Variants in PRCP observed in about 807,000 individuals in gnomAD.
The protein encoded by PRCP is prolylcarboxypeptidase.
PRCP carries 46 observed loss-of-function variants against 54.2 expected under a neutral mutation model. That is an observed-to-expected ratio of 0.85 (90% CI 0.67 to 1.09). The LOEUF is 1.09. PRCP is among the 50% of genes least tolerant of loss of function. PRCP has a pLI of 0.00. For missense variants in PRCP, 613 were observed against 596.8 expected, an observed-to-expected ratio of 1.03 and a Z score of -0.28; for synonymous variants, 240 against 212.2, an observed-to-expected ratio of 1.13 and a Z score of -1.14.
rs1375415780 is a variant in PRCP, at chr11:82,823,321, T to G, written c.*1585A>C. Among the ~76,000 whole-genome samples, 1 of 152,154 alleles carries G rather than the reference T, an allele frequency of 6.6e-6. No individual in the cohort carries two copies. Among genetic ancestry groups the G allele is most frequent in the Non-Finnish European group, 1.5e-5 (1 of 68,004 alleles). Reference sequence around the variant, plus strand: ...ATTTAATTTCTTAGTTGACAAAGAATAAAAACTAGTATTGTTTTGGCCCTT... The same window carrying G: ...ATTTAATTTCTTAGTTGACAAAGAAGAAAAACTAGTATTGTTTTGGCCCTT... On this transcript the variant is annotated 3_prime_UTR_variant, in exon 9 of 9. Transcript: ENST00000313010.
chr11:82,889,971 C>T (rs76646527), intron 1 of PRCP, among the ~76,000 whole-genome samples: 38 of 152,150 alleles, frequency 2.5e-4, no homozygotes, highest in Non-Finnish European at 4.7e-4. Flanking sequence ...TCAGGGGAGG[C>T]GGTAATAGGG....
At chr11:82,826,210 T>G (rs1461115408) in intron 8 of PRCP, 1 of 152,226 alleles carries the variant, frequency 6.6e-6, no homozygotes, top group African/African-American at 2.4e-5. Context: ...TTCATACAAA[T>G]GGAATTAAAT....
At chr11:82,857,195 T>C (rs536529298) in intron 2 of PRCP, among the ~76,000 whole-genome samples, 45 of 152,304 alleles carry the variant, frequency 3.0e-4, no homozygotes, top group Non-Finnish European at 4.3e-4. Context: ...TTTCAATTAA[T>C]CTTCTTTATT....
At chr11:82,836,855 A>AT in intron 8 of PRCP, 2 of 384,202 alleles carry the variant, frequency 5.2e-6, no homozygotes, top group Non-Finnish European at 1.0e-5. Flanking sequence ...GCCTCCTTGC[A>AT]TTTTTGTTGG....
chr11:82,859,521 T>G (rs1171682094), intron 2 of PRCP, among the ~76,000 whole-genome samples: 1 of 152,104 alleles, frequency 6.6e-6, no homozygotes, highest in Non-Finnish European at 1.5e-5. Flanking sequence ...GAGACCATAA[T>G]CAAAATAAAC....
chr11:82,886,276 C>T (rs1443463370), intron 1 of PRCP, among the ~76,000 whole-genome samples: 4 of 152,118 alleles, frequency 2.6e-5, no homozygotes, highest in Admixed American at 6.6e-5. Flanking sequence ...CCATGAACTT[C>T]CTGAATTTTT....
At position 82,853,206 on chromosome 11, in the gene PRCP, A is replaced by T; in HGVS notation, c.382T>A (p.Ser128Thr). The T allele has an allele frequency of 6.2e-7, 1 of 1,610,574 alleles. No individual in the cohort carries two copies. The highest frequency in any genetic ancestry group is 8.5e-7 in the Non-Finnish European group (1 of 1,177,910). The change falls in exon 3 of 9, where the codon TCT becomes ACT. Residue 128 changes from serine to threonine, a missense_variant. By Grantham distance (58) the Ser-to-Thr change is moderately conservative. Coordinates refer to ENST00000313010, the MANE Select transcript of PRCP (RefSeq NM_005040.4). ...VFAEHRYYGE[S>T]LPFGDNSFKD... The stretch of plus-strand genomic sequence containing the variant: ...AATGAGTTGTCACCAAAGGGGAGAG[A>T]CTCTCCATAGTATCGATGTTCAGCA...
At chr11:82,858,050 TTC>T (rs2121170417) in intron 2 of PRCP, among the ~76,000 whole-genome samples, 1 of 152,314 alleles carries the variant, frequency 6.6e-6, no homozygotes. Flanking sequence ...TGCAGTTGAT[TTC>T]AGGCTTTGAG....
chr11:82,873,292 C>T (rs935172793), intron 1 of PRCP, among the ~76,000 whole-genome samples: 3 of 152,238 alleles, frequency 2.0e-5, no homozygotes, highest in African/African-American at 4.8e-5. Context: ...CAGCAGTATT[C>T]GTTTAACAAC....
chr11:82,849,367 T>C (rs563346589), intron 5 of PRCP, 149 bp from the exon 6 acceptor site: 2 of 879,158 alleles, frequency 2.3e-6, no homozygotes, highest in African/African-American at 1.7e-5. Context: ...GAGAATCCCA[T>C]GACAGACAAG....
At chr11:82,848,558 C>T (rs1485062211) in intron 6 of PRCP, among the ~76,000 whole-genome samples, 1 of 152,200 alleles carries the variant, frequency 6.6e-6, no homozygotes, top group African/African-American at 2.4e-5. Context: ...TCTTTCCACT[C>T]TACTGTGCTG....
chr11:82,841,450 C>T (rs557127917), intron 6 of PRCP, among the ~76,000 whole-genome samples: 112 of 152,104 alleles, frequency 7.4e-4, no homozygotes, highest in African/African-American at 2.6e-3. Flanking sequence ...AACAGTTTTC[C>T]TGACTGGTTG....
Position 82,824,848 on chromosome 11 carries a change from G to A in PRCP, c.*58C>T. On this transcript the variant is annotated 3_prime_UTR_variant, in exon 9 of 9. Coordinates refer to ENST00000313010, the MANE Select transcript of PRCP (RefSeq NM_005040.4). The stretch of plus-strand genomic sequence containing the variant: ...GTAATTACATGTAGAAAATCAAAGT[G>A]AATGGGAATGTGGTGGTGTGAACAT... 2 of 1,492,142 alleles carry A rather than the reference G, an allele frequency of 1.3e-6. No individual in the cohort carries two copies. The highest frequency in any genetic ancestry group is 4.8e-5 in the East Asian group (2 of 42,014). 92.4% of individuals were successfully genotyped at this position (1,492,142 alleles called of 1,614,324 possible).
At chr11:82,875,524 A>G (rs897027645) in intron 1 of PRCP, among the ~76,000 whole-genome samples, 1 of 152,236 alleles carries the variant, frequency 6.6e-6, no homozygotes, top group African/African-American at 2.4e-5. Context: ...GGTGACTATA[A>G]TTAATACTGA....
intron 2 of PRCP, 44 bp downstream of exon 2, chr11:82,859,933 T>C (rs373709209): frequency 6.6e-7 from 1 of 1,513,110 alleles, no homozygotes; most frequent in Non-Finnish European, 8.9e-7. Flanking sequence ...GTTATCATAA[T>C]AAAAGTCAAA....
At chr11:82,853,511 C>T (rs190587772) in intron 2 of PRCP, among the ~76,000 whole-genome samples, 19 of 152,294 alleles carry the variant, frequency 1.2e-4, no homozygotes, top group African/African-American at 4.3e-4. Flanking sequence ...GTTGCTCATC[C>T]ACTAGTCATC....
rs141292711 is a variant in PRCP, at chr11:82,872,438, C to T, written c.169-12321G>A. 7.8e-4 allele frequency among the ~76,000 whole-genome samples: 119 copies of T among 152,236 alleles called. 1 individual carries two copies. The highest frequency in any genetic ancestry group is 1.6e-3 in the Non-Finnish European group (107 of 68,008). ...TGCTGGAGAGGGGTGGGCCCTTAAT[C>T]CAATATGACTGGTGTTCTTATAAGA... On this transcript the variant is annotated intron_variant, in intron 1 of 8. Coordinates refer to ENST00000313010, the MANE Select transcript of PRCP (RefSeq NM_005040.4).
intron 1 of PRCP, among the ~76,000 whole-genome samples, chr11:82,873,904 G>T (rs889207684): frequency 8.5e-5 from 13 of 152,188 alleles, no homozygotes; most frequent in African/African-American, 2.9e-4. Context: ...GCTGAGGAAA[G>T]TAATGTCTAA....
At chr11:82,862,889 A>C (rs1476268003) in intron 1 of PRCP, among the ~76,000 whole-genome samples, 2 of 152,228 alleles carry the variant, frequency 1.3e-5, no homozygotes, top group Non-Finnish European at 2.9e-5. Context: ...CAATGGGATA[A>C]AGAGTTGGCT....
Sources: allele counts gnomAD v4.1 joint callset (sites outside exome capture counted in the v4.1 genomes callset), GRCh38; gene constraint gnomAD v4.1.1; transcripts MANE v1.5; gene names NCBI Gene and HGNC (gene_info 2026-07-23, HGNC 2026-07-21).